The following KCNB2 variants were observed in gnomAD, a reference collection of about 807,000 sequenced individuals.
KCNB2 encodes delayed rectifier potassium channel protein.
KCNB2 carries 15 observed loss-of-function variants against 61.5 expected under a neutral mutation model. The observed-to-expected ratio is 0.24, with a 90% CI of 0.16 to 0.38. KCNB2 has a LOEUF of 0.38. KCNB2 is among the 10% of genes least tolerant of loss of function. The pLI is 1.00. For synonymous variants in KCNB2, 457 were observed against 446.0 expected, an observed-to-expected ratio of 1.02 and a Z score of -0.31; for missense variants, 828 against 1,125.2, an observed-to-expected ratio of 0.74 and a Z score of 3.78.
chr8:72,849,747 T>C (rs2129003218), intron 2 of KCNB2, among the ~76,000 whole-genome samples: 1 of 152,332 alleles, frequency 6.6e-6, no homozygotes, highest in Admixed American at 6.5e-5. Context: ...TATCCACTTT[T>C]CTTTTCAGTC....
intron 2 of KCNB2, among the ~76,000 whole-genome samples, chr8:72,576,095 G>T (rs902538482): frequency 6.6e-6 from 1 of 152,082 alleles, no homozygotes; most frequent in Non-Finnish European, 1.5e-5. Flanking sequence ...TCAAAACATG[G>T]TATAGGAAAA....
chr8:72,671,101 G>T (rs1212217706), intron 2 of KCNB2, among the ~76,000 whole-genome samples: 1 of 152,146 alleles, frequency 6.6e-6, no homozygotes, highest in Non-Finnish European at 1.5e-5. Context: ...GATGTTTTAT[G>T]CATCCTACAG....
At chr8:72,643,258 G>C (rs1036640621) in intron 2 of KCNB2, among the ~76,000 whole-genome samples, 1 of 152,272 alleles carries the variant, frequency 6.6e-6, no homozygotes, top group South Asian at 2.1e-4. Flanking sequence ...CGAACTTCTC[G>C]TATGTGCCAG....
intron 2 of KCNB2, among the ~76,000 whole-genome samples, chr8:72,794,117 C>CA (rs1338180090): frequency 2.4e-4 from 36 of 152,294 alleles, no homozygotes; most frequent in African/African-American, 7.9e-4. Context: ...GGTTAAGAGA[C>CA]AACTGCAGTA....
At chr8:72,615,916 G>C (rs771429468) in intron 2 of KCNB2, among the ~76,000 whole-genome samples, 5 of 152,138 alleles carry the variant, frequency 3.3e-5, no homozygotes, top group African/African-American at 4.8e-5. Context: ...AGTTTTGTAA[G>C]TTAGTGAACA....
chr8:72,664,536 G>T (rs1337039152), intron 2 of KCNB2, among the ~76,000 whole-genome samples: 1 of 152,196 alleles, frequency 6.6e-6, no homozygotes, highest in Non-Finnish European at 1.5e-5. Context: ...ACCCTTTTAT[G>T]TTACAGAGAC....
intron 2 of KCNB2, among the ~76,000 whole-genome samples, chr8:72,914,967 G>T (rs2929572): frequency 2.0e-5 from 3 of 150,710 alleles, no homozygotes; most frequent in Non-Finnish European, 4.4e-5. Context: ...TGCAGTGGCA[G>T]GATCTTGGCT....
intron 2 of KCNB2, among the ~76,000 whole-genome samples, chr8:72,840,342 G>A (rs1380164212): frequency 6.6e-6 from 1 of 152,146 alleles, no homozygotes; most frequent in Non-Finnish European, 1.5e-5. Context: ...CCAAGTCTTT[G>A]CTATTGTGAA....
At chr8:72,627,170 A>T (rs1231347457) in intron 2 of KCNB2, among the ~76,000 whole-genome samples, 1 of 152,238 alleles carries the variant, frequency 6.6e-6, no homozygotes, top group African/African-American at 2.4e-5. Context: ...ATACTTTAGT[A>T]AGAATAAGTT....
chr8:72,924,144 A>C (rs980045602), intron 2 of KCNB2, among the ~76,000 whole-genome samples: 1 of 152,212 alleles, frequency 6.6e-6, no homozygotes, highest in Non-Finnish European at 1.5e-5. Context: ...GAAAATGTTT[A>C]AAGCAATGGC....
chr8:72,929,695 A>C (rs181520832), intron 2 of KCNB2, among the ~76,000 whole-genome samples: 1 of 152,352 alleles, frequency 6.6e-6, no homozygotes, highest in East Asian at 1.9e-4. Context: ...GTGACCTTGC[A>C]GATGACCTAA....
At position 72,567,868 on chromosome 8, in the gene KCNB2, A is replaced by C; in HGVS notation, c.134A>C (p.Asn45Thr). Residue 45 changes from asparagine to threonine, a missense_variant, in exon 2 of 3, where the codon AAC becomes ACC. Asn to Thr is a moderately conservative substitution (Grantham distance 65). This residue lies in a region of KCNB2 where 62 missense variants were observed against 54.8 expected (regional missense o/e 1.13). Coordinates refer to ENST00000523207, the MANE Select transcript of KCNB2 (RefSeq NM_004770.3). ...RRVKINVGGL[N>T]HEVLWRTLDR... ...GTTAAGATCAATGTGGGGGGCCTCA[A>C]CCACGAAGTCCTGTGGAGAACGCTG... is the stretch of plus-strand genomic sequence containing the variant. The C allele has an allele frequency of 6.2e-7, 1 of 1,614,066 alleles. No homozygotes were observed. The highest frequency in any genetic ancestry group is 8.5e-7 in the Non-Finnish European group (1 of 1,179,998).
At chr8:72,789,046 CT>C (rs1307044137) in intron 2 of KCNB2, among the ~76,000 whole-genome samples, 1 of 152,066 alleles carries the variant, frequency 6.6e-6, no homozygotes. Flanking sequence ...AGAACATGAC[CT>C]TAAATGACTC....
rs1253714984 is a variant in KCNB2, at chr8:72,730,526, A to T, written c.579+162213A>T. 2.6e-5 allele frequency among the ~76,000 whole-genome samples: 4 copies of T among 152,188 alleles called. No individual in the cohort carries two copies. The South Asian group carries it at 8.3e-4, about 32-fold the overall frequency. On this transcript the variant is annotated intron_variant, in intron 2 of 2. Coordinates refer to ENST00000523207, the MANE Select transcript of KCNB2 (RefSeq NM_004770.3). ...TTACTGAGTTCATAATAAGGCAGTA[A>T]CTCACAAACTAATTCATTTGTCCTG...
intron 2 of KCNB2, among the ~76,000 whole-genome samples, chr8:72,631,158 A>G (rs1374613912): frequency 1.3e-5 from 2 of 152,180 alleles, no homozygotes; most frequent in Non-Finnish European, 2.9e-5. Flanking sequence ...TTCTCAGAAT[A>G]TCTTGAGAGT....
Position 72,886,824 on chromosome 8 carries a change from A to G in KCNB2, c.580-49111A>G, listed in dbSNP as rs17189884. 9.6e-3 allele frequency among the ~76,000 whole-genome samples: 1,457 copies of G among 152,366 alleles called. 15 individuals are homozygous for G. The highest frequency in any genetic ancestry group is 0.014 in the Non-Finnish European group (927 of 68,028). ...GGCACATTGTGAACATTCAGTAAAT[A>G]TTAATCAATAGCTATCCAGTGGCAC... On this transcript the variant is annotated intron_variant, in intron 2 of 2. Transcript: ENST00000523207.
intron 2 of KCNB2, among the ~76,000 whole-genome samples, chr8:72,910,060 A>G (rs1011990694): frequency 1.3e-5 from 2 of 152,154 alleles, no homozygotes; most frequent in African/African-American, 4.8e-5. Flanking sequence ...CAGTCATAAC[A>G]ACGTGGACTT....
Position 72,568,262 on chromosome 8 carries a change from G to A in KCNB2, c.528G>A (p.Arg176=). ...ATAATACCTGCTGCCCTGATAAAAG[G>A]AAGAAACTGTGGGACTTGCTGGAGA... is the stretch of plus-strand genomic sequence containing the variant. The part of the protein sequence containing the change: ...EFDNTCCPDK[R]KKLWDLLEKP... Residue 176 remains arginine, a synonymous_variant, in exon 2 of 3, where the codon AGG becomes AGA. Transcript: ENST00000523207. The A allele has an allele frequency of 6.2e-7, 1 of 1,613,584 alleles. No homozygotes were observed.
chr8:72,734,545 G>A (rs1807805264), intron 2 of KCNB2, among the ~76,000 whole-genome samples: 1 of 152,146 alleles, frequency 6.6e-6, no homozygotes, highest in Non-Finnish European at 1.5e-5. Flanking sequence ...TTAAGAAGCT[G>A]GATGCTACTA....
Sources: gnomAD v4.1 joint callset for allele counts (sites outside exome capture counted in the v4.1 genomes callset) on GRCh38, gnomAD v4.1.1 for gene constraint, gnomAD v4.1.1 regional missense constraint, MANE v1.5 for transcripts, NCBI Gene and HGNC (gene_info 2026-07-23, HGNC 2026-07-21) for gene names.